The following DOCK5 variants were observed in gnomAD, a reference collection of about 807,000 sequenced individuals.
DOCK5 encodes the protein dedicator of cytokinesis protein 5.
A neutral mutation model predicts 251.8 loss-of-function variants in DOCK5; 142 were observed. That is an observed-to-expected ratio of 0.56 (90% CI 0.49 to 0.65). DOCK5 has a LOEUF of 0.65. Ranked by LOEUF, DOCK5 falls within the 30% of genes least tolerant of loss-of-function variation. DOCK5 has a pLI of 0.00. For missense variants in DOCK5, 2,111 were observed against 2,312.3 expected (o/e 0.91, Z 1.79); for synonymous variants, 842 against 835.5 (o/e 1.01, Z -0.13).
chr8:25,310,492 A>C lies in DOCK5; in HGVS notation c.1278A>C (p.Ala426=), dbSNP rs1805059239. The change falls in exon 13 of 52, where the codon GCA becomes GCC. Residue 426 remains alanine (A), a synonymous_variant. Transcript: ENST00000276440. ...CACACTTGGTTGATAGATCAACAGCAATAGCCCGGAAGATGGGCTTTCCTG... is the reference window on the plus strand; with the variant it reads ...CACACTTGGTTGATAGATCAACAGCCATAGCCCGGAAGATGGGCTTTCCTG... ...NFSHLVDRST[A]IARKMGFPEI... is the part of the protein sequence containing the mutation. 6.2e-7 allele frequency: 1 copy of C among 1,613,496 alleles called. No individual in the cohort carries two copies. The highest frequency in any genetic ancestry group is 8.5e-7 in the Non-Finnish European group (1 of 1,179,744).
chr8:25,307,756 C>T (rs761815774), intron 11 of DOCK5, among the ~76,000 whole-genome samples: 11 of 152,174 alleles, frequency 7.2e-5, no homozygotes, highest in Non-Finnish European at 1.3e-4. Flanking sequence ...CTGACGAACC[C>T]TGCCTTAATT....
At position 25,296,628 on chromosome 8, in the gene DOCK5, G is replaced by C. The variant is rs772632928; in HGVS notation, c.586G>C (p.Glu196Gln). Residue 196 changes from glutamate (E) to glutamine (Q), a missense_variant, in exon 7 of 52, where the codon GAA (glutamate) becomes CAA (glutamine). Glu to Gln is a conservative substitution (Grantham distance 29). Around this residue, in one of 3 missense-constraint regions of DOCK5, gnomAD observed 335 missense variants for 324.9 expected, o/e 1.03. Transcript: ENST00000276440. Reference protein sequence around the residue: ...AHEVASKRIEEKIQEEKSILQ... With the variant: ...AHEVASKRIEQKIQEEKSILQ... ...TGAGGTGGCCTCCAAAAGGATTGAG[G>C]AAAAGATCCAAGAAGAGAAGGTACA... 5.6e-6 allele frequency: 9 copies of C among 1,612,628 alleles called. No homozygotes were observed. The highest frequency in any genetic ancestry group is 2.2e-5 in the East Asian group (1 of 44,850).
At chr8:25,233,044 A>T (rs1802710214) in intron 1 of DOCK5, among the ~76,000 whole-genome samples, 1 of 152,090 alleles carries the variant, frequency 6.6e-6, no homozygotes, top group South Asian at 2.1e-4. Flanking sequence ...CTCTCTGAGC[A>T]GCCCTCTTCT....
At chr8:25,254,037 GACAA>G (rs905479597) in intron 2 of DOCK5, among the ~76,000 whole-genome samples, 3 of 152,204 alleles carry the variant, frequency 2.0e-5, no homozygotes, top group African/African-American at 7.2e-5. Context: ...CAGAACACTA[GACAA>G]ACAAATCTAC....
chr8:25,256,278 G>A (rs1803418185), intron 2 of DOCK5, among the ~76,000 whole-genome samples: 2 of 152,232 alleles, frequency 1.3e-5, no homozygotes, highest in African/African-American at 4.8e-5. Flanking sequence ...CTTCTAAATG[G>A]CAGGAACAAT....
chr8:25,411,332 A>G lies in DOCK5; in HGVS notation c.*34A>G, dbSNP rs1287029244. 1.4e-6 allele frequency: 2 copies of G among 1,415,526 alleles called. No individual in the cohort carries two copies. Among genetic ancestry groups the G allele is most frequent in the Non-Finnish European group, 1.8e-6 (2 of 1,081,908 alleles). 87.7% of individuals were successfully genotyped at this position (1,415,526 alleles called of 1,614,324 possible). A position where few individuals can be genotyped will look rare whatever the true frequency, so the allele number is the denominator to read the frequency against. ...CCCTCCCTGCAACACCGAGTGCCTT[A>G]GACAGCTGCTGCCTGAGAACTGGCC... On this transcript the variant is annotated 3_prime_UTR_variant, in exon 52 of 52. Transcript: ENST00000276440.
Position 25,184,860 on chromosome 8 carries a change from G to C in DOCK5, c.-49G>C, listed in dbSNP as rs779565296. Reference sequence around the variant, plus strand: ...CGGGGCGGCGGCGGCCGGAGCCCGAGGAGCTGTAGCAGCCTTAGTCGCCGC... The same window carrying C: ...CGGGGCGGCGGCGGCCGGAGCCCGACGAGCTGTAGCAGCCTTAGTCGCCGC... On this transcript the variant is annotated 5_prime_UTR_variant, in exon 1 of 52. Transcript: ENST00000276440. 1.8e-5 allele frequency: 24 copies of C among 1,299,772 alleles called. No individual in the cohort carries two copies. The Admixed American group carries it at 2.4e-4, about 13-fold the overall frequency. 80.5% of individuals were successfully genotyped at this position (1,299,772 alleles called of 1,614,324 possible).
intron 1 of DOCK5, among the ~76,000 whole-genome samples, chr8:25,213,613 CTT>C (rs1802158019): frequency 6.6e-6 from 1 of 152,130 alleles, no homozygotes; most frequent in Non-Finnish European, 1.5e-5. Flanking sequence ...TAGCAACTGT[CTT>C]TGAAATAGCC....
intron 45 of DOCK5, among the ~76,000 whole-genome samples, chr8:25,397,147 G>C (rs1337410122): frequency 6.6e-6 from 1 of 151,870 alleles, no homozygotes; most frequent in Admixed American, 6.6e-5. Flanking sequence ...GCTTGAACCC[G>C]GGAGGTGGAG....
At chr8:25,185,289 C>T (rs1490526257) in intron 1 of DOCK5, among the ~76,000 whole-genome samples, 1 of 152,170 alleles carries the variant, frequency 6.6e-6, no homozygotes, top group African/African-American at 2.4e-5. Flanking sequence ...CTGTGGCTCG[C>T]CCCGGTGCGC....
intron 9 of DOCK5, 123 bp from the exon 10 acceptor site, chr8:25,302,202 A>C (rs1281482739): frequency 7.5e-7 from 1 of 1,331,660 alleles, no homozygotes; most frequent in Admixed American, 3.3e-5. Context: ...GAGTCGTTCT[A>C]ATACTTCAGC....
Position 25,336,498 on chromosome 8 carries a change from A to G in DOCK5, c.2327+125A>G. The G allele has an allele frequency of 4.8e-6, 6 of 1,256,804 alleles. No homozygotes were observed. The Middle Eastern group carries it at 9.7e-4, about 204-fold the overall frequency. 77.9% of individuals were successfully genotyped at this position (1,256,804 alleles called of 1,614,324 possible). On this transcript the variant is annotated intron_variant, in intron 22 of 51. Coordinates refer to ENST00000276440, the MANE Select transcript of DOCK5 (RefSeq NM_024940.8). Reference sequence around the variant, plus strand: ...GTTCTTAGAATTGCCTTATTTCAGAACTGCAGGGCTGAAGATGGATTTGGG... The same window carrying G: ...GTTCTTAGAATTGCCTTATTTCAGAGCTGCAGGGCTGAAGATGGATTTGGG...
chr8:25,369,736 T>C (rs1800840837), intron 34 of DOCK5, 95 bp downstream of exon 34: 3 of 1,071,478 alleles, frequency 2.8e-6, no homozygotes, highest in East Asian at 5.2e-5. Context: ...AATTGAGTAG[T>C]CTCAGAGTCA....
intron 51 of DOCK5, among the ~76,000 whole-genome samples, chr8:25,410,972 T>TGTGTGTGCGC (rs1331552371): frequency 2.6e-4 from 5 of 19,192 alleles, no homozygotes; most frequent in African/African-American, 7.5e-4. Context: ...TGTGTGTGTG[T>TGTGTGTGCGC]GCGCGCGCGC....
intron 1 of DOCK5, among the ~76,000 whole-genome samples, chr8:25,225,750 A>AT (rs1169508641): frequency 6.6e-6 from 1 of 151,906 alleles, no homozygotes; most frequent in African/African-American, 2.4e-5. Context: ...TACAACATGG[A>AT]TGAACCTTGA....
intron 4 of DOCK5, among the ~76,000 whole-genome samples, chr8:25,277,662 A>G (rs1215419126): frequency 1.3e-5 from 2 of 152,150 alleles, no homozygotes; most frequent in East Asian, 3.9e-4. Flanking sequence ...CTCCACTGCC[A>G]CCCACCATGT....
Position 25,345,626 on chromosome 8 carries a change from C to G in DOCK5, c.2754+15C>G. 1 of 1,613,242 alleles carries G rather than the reference C, an allele frequency of 6.2e-7. No individual in the cohort carries two copies. The highest frequency in any genetic ancestry group is 8.5e-7 in the Non-Finnish European group (1 of 1,179,692). ...GGAAGGATGTGGTGAGTTGAGTCATCACTGATGCTGCACAGAGTTCACACT... is the reference window on the plus strand; with the variant it reads ...GGAAGGATGTGGTGAGTTGAGTCATGACTGATGCTGCACAGAGTTCACACT... On this transcript the variant is annotated intron_variant, in intron 26 of 51. Transcript: ENST00000276440.
intron 1 of DOCK5, among the ~76,000 whole-genome samples, chr8:25,201,502 C>G: frequency 6.6e-6 from 1 of 152,180 alleles, no homozygotes; most frequent in East Asian, 1.9e-4. Flanking sequence ...TTTAGGGCAA[C>G]AGGTTAAGCT....
In DOCK5 at chr8:25,283,313, A is replaced by C. The variant is rs111981594; in HGVS notation, c.321+4648A>C. 2.1e-3 allele frequency among the ~76,000 whole-genome samples: 313 copies of C among 152,200 alleles called. 4 individuals are homozygous for C. Among genetic ancestry groups the C allele is most frequent in the African/African-American group, 7.3e-3 (301 of 41,510 alleles). On this transcript the variant is annotated intron_variant, in intron 5 of 51. Coordinates refer to ENST00000276440, the MANE Select transcript of DOCK5 (RefSeq NM_024940.8). ...CTCAGGAGAGGAAGCGGGTTTTAGG[A>C]GACAGACACTGGCCCAGGAATTGGG... is the stretch of plus-strand genomic sequence containing the variant.
Sources: gnomAD v4.1 joint callset for allele counts (sites outside exome capture counted in the v4.1 genomes callset) on GRCh38, gnomAD v4.1.1 for gene constraint, gnomAD v4.1.1 regional missense constraint, MANE v1.5 for transcripts, NCBI Gene and HGNC (gene_info 2026-07-23, HGNC 2026-07-21) for gene names.